ARHGAP10: variants seen among roughly 807,000 people sequenced by gnomAD.
The protein encoded by ARHGAP10 is rho GTPase-activating protein 10.
In ARHGAP10, 87 loss-of-function variants were observed where a neutral mutation model predicts 108.6. The observed-to-expected ratio is 0.80, with a 90% CI of 0.67 to 0.96. ARHGAP10 has a LOEUF of 0.96. ARHGAP10 is among the 40% of genes least tolerant of loss of function. The pLI is 0.00. For missense variants in ARHGAP10, 939 were observed against 954.5 expected (o/e 0.98, Z 0.21); for synonymous variants, 347 against 341.1 (o/e 1.02, Z -0.19).
chr4:148,025,111 G>T (rs1480299539), intron 19 of ARHGAP10, among the ~76,000 whole-genome samples: 1 of 152,150 alleles, frequency 6.6e-6, no homozygotes, highest in Non-Finnish European at 1.5e-5. Context: ...ATTATTAATG[G>T]TAAGAAGTTT....
At chr4:148,031,963 G>A (rs1578808357) in intron 19 of ARHGAP10, among the ~76,000 whole-genome samples, 1 of 152,092 alleles carries the variant, frequency 6.6e-6, no homozygotes, top group South Asian at 2.1e-4. Context: ...ATCTGGTCAT[G>A]GATTGGTTGT....
At chr4:147,874,678 C>T (rs750613736) in intron 7 of ARHGAP10, among the ~76,000 whole-genome samples, 1 of 152,166 alleles carries the variant, frequency 6.6e-6, no homozygotes, top group Non-Finnish European at 1.5e-5. Context: ...TATATTAAAA[C>T]CTAACTTATG....
Position 147,847,154 on chromosome 4 carries a change from T to C in ARHGAP10, c.316T>C (p.Leu106=). ...NLEEQREIMA[L]SVTETLIKPL... ...TGTTATCACTCTTGTTCTCTAGGCA[T>C]TAAGTGTAACTGAAACCCTGATTAA... The change falls in exon 4 of 23, where the codon TTA becomes CTA. Residue 106 remains leucine, a synonymous_variant. Transcript: ENST00000336498. The C allele has an allele frequency of 6.2e-7, 1 of 1,612,516 alleles. No homozygotes were observed. The highest frequency in any genetic ancestry group is 1.7e-5 in the Admixed American group (1 of 60,020).
At chr4:147,982,277 G>A (rs934743210) in intron 18 of ARHGAP10, among the ~76,000 whole-genome samples, 1 of 151,508 alleles carries the variant, frequency 6.6e-6, no homozygotes, top group African/African-American at 2.4e-5. Context: ...TTTCTTTTGC[G>A]TTGATCTTGG....
chr4:147,944,209 G>T (rs1738281986), intron 14 of ARHGAP10, among the ~76,000 whole-genome samples: 1 of 152,210 alleles, frequency 6.6e-6, no homozygotes, highest in Admixed American at 6.5e-5. Flanking sequence ...TAGTTATAAA[G>T]GATTGCACCT....
intron 4 of ARHGAP10, chr4:147,854,755 C>G (rs766490410): frequency 6.2e-5 from 61 of 984,536 alleles, no homozygotes; most frequent in Non-Finnish European, 6.8e-5. Flanking sequence ...AAATAATTAC[C>G]TGCGTTTTAA....
intron 1 of ARHGAP10, among the ~76,000 whole-genome samples, chr4:147,771,463 CA>C (rs1730077065): frequency 6.7e-6 from 1 of 149,582 alleles, no homozygotes. Context: ...GTTGTTCTTG[CA>C]AACAAATATA....
chr4:147,864,271 C>G lies in ARHGAP10; in HGVS notation c.487-575C>G, dbSNP rs1171963409. ...CCCCCTTCTCTCCCAGGGGATCAGA[C>G]GTTCTGAGGGCCGCAGATGGGCGTC... On this transcript the variant is annotated intron_variant, in intron 5 of 22. Coordinates refer to ENST00000336498, the MANE Select transcript of ARHGAP10 (RefSeq NM_024605.4). 2.0e-5 allele frequency: 3 copies of G among 152,424 alleles called. No homozygotes were observed. The East Asian group carries it at 5.8e-4, about 29-fold the overall frequency. The allele number at this position is 152,424 out of a possible 1,614,324, so 9.4% of individuals were successfully genotyped here.
chr4:147,854,907 C>T, intron 4 of ARHGAP10: 1 of 975,976 alleles, frequency 1.0e-6, no homozygotes, highest in Non-Finnish European at 1.2e-6. Flanking sequence ...CTTGATGTCT[C>T]CTTTTTCTTT....
intron 13 of ARHGAP10, among the ~76,000 whole-genome samples, chr4:147,914,733 AT>A (rs1736893840): frequency 6.6e-6 from 1 of 152,100 alleles, no homozygotes; most frequent in Non-Finnish European, 1.5e-5. Context: ...CATTATATGG[AT>A]ATAGACCACA....
chr4:147,741,230 T>G (rs1728643772), intron 1 of ARHGAP10, among the ~76,000 whole-genome samples: 2 of 152,190 alleles, frequency 1.3e-5, no homozygotes, highest in Non-Finnish European at 2.9e-5. Context: ...CTTATTGAAA[T>G]TTGTTTTATA....
Position 147,875,012 on chromosome 4 carries a change from C to A in ARHGAP10, c.703-9C>A. On this transcript the variant is annotated splice_polypyrimidine_tract_variant and intron_variant, in intron 7 of 22. Transcript: ENST00000336498. Reference sequence around the variant, plus strand: ...TTAACATTTATGTGTGTTTTTTAATCCATTTCAGACACGGAATCGATTTGA... The same window carrying A: ...TTAACATTTATGTGTGTTTTTTAATACATTTCAGACACGGAATCGATTTGA... The A allele has an allele frequency of 6.4e-7, 1 of 1,565,998 alleles. No homozygotes were observed. Among genetic ancestry groups the A allele is most frequent in the Non-Finnish European group, 8.6e-7 (1 of 1,163,504 alleles).
intron 18 of ARHGAP10, among the ~76,000 whole-genome samples, chr4:148,007,688 C>T (rs1439182222): frequency 6.6e-6 from 1 of 152,198 alleles, no homozygotes; most frequent in Admixed American, 6.5e-5. Context: ...ATTCGGAAGG[C>T]TTTTCCCCTC....
At chr4:147,909,436 C>CT (rs879799617) in intron 11 of ARHGAP10, among the ~76,000 whole-genome samples, 12 of 152,160 alleles carry the variant, frequency 7.9e-5, no homozygotes, top group Non-Finnish European at 1.5e-4. Context: ...CAGCCCCATC[C>CT]TGAGATGGCC....
Position 147,755,546 on chromosome 4 carries a change from A to T in ARHGAP10, c.154+23091A>T, listed in dbSNP as rs149949763. 2.6e-5 allele frequency among the ~76,000 whole-genome samples: 4 copies of T among 152,330 alleles called. No homozygotes were observed. In the East Asian group the frequency reaches 7.7e-4, roughly 29 times the overall value. On this transcript the variant is annotated intron_variant, in intron 1 of 22. Transcript: ENST00000336498. ...CTCAAAAAAAGGGAAAGAAAAAAAA[A>T]TACCAGTTCCATGTTATCAAGAAGA...
At chr4:147,799,362 G>A (rs1013584029) in intron 1 of ARHGAP10, among the ~76,000 whole-genome samples, 1 of 151,992 alleles carries the variant, frequency 6.6e-6, no homozygotes, top group African/African-American at 2.4e-5. Flanking sequence ...TCTTAAATCT[G>A]TTTATGTCTT....
chr4:147,891,879 C>G (rs113762878), intron 10 of ARHGAP10, among the ~76,000 whole-genome samples: 2 of 151,964 alleles, frequency 1.3e-5, no homozygotes, highest in Admixed American at 6.6e-5. Flanking sequence ...ATCACCCTTC[C>G]CCCGCCCCAA....
chr4:147,960,259 T>G (rs1288777610), intron 16 of ARHGAP10, among the ~76,000 whole-genome samples: 1 of 152,160 alleles, frequency 6.6e-6, no homozygotes, highest in East Asian at 1.9e-4. Context: ...TATAATATGA[T>G]TTGGTTGTGT....
chr4:147,773,591 A>G (rs566585516), intron 1 of ARHGAP10, among the ~76,000 whole-genome samples: 1 of 152,302 alleles, frequency 6.6e-6, no homozygotes, highest in East Asian at 1.9e-4. Context: ...ATGTTTTCCA[A>G]TATGTGATTT....
Sources: gnomAD v4.1 joint callset for allele counts (sites outside exome capture counted in the v4.1 genomes callset) on GRCh38, gnomAD v4.1.1 for gene constraint, MANE v1.5 for transcripts, NCBI Gene and HGNC (gene_info 2026-07-23, HGNC 2026-07-21) for gene names.